Variants in LRRFIP1 observed in about 807,000 individuals in gnomAD.
LRRFIP1 encodes the protein LRR binding FLII interacting protein 1.
A neutral mutation model predicts 104.4 loss-of-function variants in LRRFIP1; 62 were observed. The ratio of observed to expected loss-of-function variants is 0.59; its 90% CI spans 0.48 to 0.73. LRRFIP1 has a LOEUF of 0.73. Ranked by LOEUF, LRRFIP1 falls within the 30% of genes least tolerant of loss-of-function variation. The probability of loss-of-function intolerance (pLI) is 0.00; values close to 1 mark genes in which losing one functional copy is unlikely to be tolerated. For missense variants in LRRFIP1, 796 were observed against 824.5 expected (o/e 0.97, Z 0.42); for synonymous variants, 300 against 299.0 (o/e 1.00, Z -0.03).
Position 237,649,791 on chromosome 2 carries a change from C to T in LRRFIP1, c.96+22051C>T, listed in dbSNP as rs72975004. On this transcript the variant is annotated intron_variant, in intron 1 of 23. Coordinates refer to ENST00000308482, the MANE Select transcript of LRRFIP1 (RefSeq NM_001137550.2). This position sits in a 1 kb window ranked among gnomAD's most constrained non-coding sequence, Gnocchi z 4.1. The stretch of plus-strand genomic sequence containing the variant: ...CCTCACCAGTCCTTGGTCATGCCAC[C>T]CGGGCTGAGTTCATTTACCTGCTCA... 0.14 allele frequency among the ~76,000 whole-genome samples: 20,719 copies of T among 151,876 alleles called. 2,170 individuals carry two copies. The highest frequency in any genetic ancestry group is 0.21 in the Non-Finnish European group (14,550 of 67,864).
In LRRFIP1 at chr2:237,714,247, C is replaced by T; in HGVS notation, c.184-12C>T. 1 of 1,581,142 alleles carries T rather than the reference C, an allele frequency of 6.3e-7. No homozygotes were observed. Among genetic ancestry groups the T allele is most frequent in the Non-Finnish European group, 8.6e-7 (1 of 1,157,596 alleles). On this transcript the variant is annotated splice_polypyrimidine_tract_variant and intron_variant, in intron 2 of 23. Coordinates refer to ENST00000308482, the MANE Select transcript of LRRFIP1 (RefSeq NM_001137550.2). Reference sequence around the variant, plus strand: ...ATTTTACATTTCTTTTTTCTTCTGTCCTTCTCTATAGATCTATCAGGTCCA... The same window carrying T: ...ATTTTACATTTCTTTTTTCTTCTGTTCTTCTCTATAGATCTATCAGGTCCA...
rs376208931 is a variant in LRRFIP1, at chr2:237,753,520, G to A, written c.1038+41G>A. The A allele has an allele frequency of 9.4e-6, 14 of 1,488,906 alleles. 1 individual carries two copies. The highest frequency in any genetic ancestry group is 6.8e-5 in the South Asian group (5 of 73,206). 92.2% of individuals were successfully genotyped at this position (1,488,906 alleles called of 1,614,324 possible). ...ATACAGAATGTTAACAATAGGCTGC[G>A]TGCAGTGGCCCATGCCTGTAATTCT... On this transcript the variant is annotated intron_variant, in intron 15 of 23. Coordinates refer to ENST00000308482, the MANE Select transcript of LRRFIP1 (RefSeq NM_001137550.2).
rs2087985745 is a variant in LRRFIP1 at position 237,661,634 on chromosome 2, AC to A, written c.96+33896del. Among the ~76,000 whole-genome samples the A allele has an allele frequency of 6.6e-6, 1 of 152,206 alleles. No individual in the cohort carries two copies. Among genetic ancestry groups the A allele is most frequent in the Non-Finnish European group, 1.5e-5 (1 of 68,050 alleles). On this transcript the variant is annotated intron_variant, in intron 1 of 23. Coordinates refer to ENST00000308482, the MANE Select transcript of LRRFIP1 (RefSeq NM_001137550.2). This position sits in a 1 kb window ranked among gnomAD's most constrained non-coding sequence, Gnocchi z 4.4. Reference sequence around the variant, plus strand: ...ACTGTCGATGGAATTTTTCAGTGATACCTAACATCTGTCCCAGAGCCATGCA... The same window carrying A: ...ACTGTCGATGGAATTTTTCAGTGATACTAACATCTGTCCCAGAGCCATGCA...
intron 11 of LRRFIP1, among the ~76,000 whole-genome samples, chr2:237,742,394 A>G (rs2057236512): frequency 6.6e-6 from 1 of 152,194 alleles, no homozygotes; most frequent in African/African-American, 2.4e-5. Flanking sequence ...CTTACATCTG[A>G]TGAAACCTCC....
chr2:237,753,063 C>T (rs1490142714), intron 14 of LRRFIP1, among the ~76,000 whole-genome samples: 1 of 152,178 alleles, frequency 6.6e-6, no homozygotes, highest in Non-Finnish European at 1.5e-5. Flanking sequence ...ACTGGTATCT[C>T]GTTTGTTCTA....
chr2:237,647,102 G>A (rs925448676), intron 1 of LRRFIP1, among the ~76,000 whole-genome samples: 4 of 151,878 alleles, frequency 2.6e-5, no homozygotes, highest in East Asian at 1.9e-4. Context: ...CTCATTTGAC[G>A]TTTTTCACTT....
intron 12 of LRRFIP1, among the ~76,000 whole-genome samples, chr2:237,748,858 T>G (rs764828316): frequency 6.6e-6 from 1 of 152,304 alleles, no homozygotes; most frequent in Non-Finnish European, 1.5e-5. Flanking sequence ...CTGGGTAATT[T>G]ACAAAGAAAA....
Position 237,739,295 on chromosome 2 carries a change from C to G in LRRFIP1, c.619C>G (p.Arg207Gly). ...CGCCTCCTCCAGGGCCAGCTCGGCC[C>G]GGGCCAGCCCTGTGGTAAGTCGGCC... ...SRASSRASSA[R>G]ASPVVEERPE... Residue 207 changes from arginine to glycine, a missense_variant, in exon 11 of 24, where the codon CGG (arginine) becomes GGG (glycine). Arg to Gly is a moderately radical substitution (Grantham distance 125). Coordinates refer to ENST00000308482, the MANE Select transcript of LRRFIP1 (RefSeq NM_001137550.2). 1 of 1,560,348 alleles carries G rather than the reference C, an allele frequency of 6.4e-7. No homozygotes were observed. Among genetic ancestry groups the G allele is most frequent in the South Asian group, 1.2e-5 (1 of 84,720 alleles).
intron 23 of LRRFIP1, among the ~76,000 whole-genome samples, chr2:237,777,169 G>A (rs1484787320): frequency 6.6e-6 from 1 of 152,074 alleles, no homozygotes; most frequent in Non-Finnish European, 1.5e-5. Flanking sequence ...ATATGTATAT[G>A]TACACATGTA....
In LRRFIP1 at chr2:237,649,538, A is replaced by G. The variant is rs1412162130; in HGVS notation, c.96+21798A>G. Among the ~76,000 whole-genome samples the G allele has an allele frequency of 1.3e-5, 2 of 152,050 alleles. No individual in the cohort carries two copies. The highest frequency in any genetic ancestry group is 4.8e-5 in the African/African-American group (2 of 41,456). On this transcript the variant is annotated intron_variant, in intron 1 of 23. Coordinates refer to ENST00000308482, the MANE Select transcript of LRRFIP1 (RefSeq NM_001137550.2). This position sits in a 1 kb window ranked among gnomAD's most constrained non-coding sequence, Gnocchi z 4.1. ...CAAGAGAGATTCTGTCTCAAAAAAA[A>G]AGAACACTGTGGTGTGAGAGGCAAT...
intron 16 of LRRFIP1, among the ~76,000 whole-genome samples, chr2:237,757,213 G>C (rs1262610358): frequency 2.0e-5 from 3 of 152,108 alleles, no homozygotes; most frequent in Non-Finnish European, 4.4e-5. Context: ...TGACTTAATC[G>C]GTTCTTTAAC....
At chr2:237,779,362 C>T (rs2061358399) in intron 23 of LRRFIP1, 60 bp from the exon 24 acceptor site, 2 of 1,582,530 alleles carry the variant, frequency 1.3e-6, no homozygotes, top group Admixed American at 3.6e-5. Context: ...TAACACAGAA[C>T]CCTGTTATGT....
At chr2:237,629,752 G>A (rs58257284) in intron 1 of LRRFIP1, among the ~76,000 whole-genome samples, 61,630 of 151,924 alleles carry the variant, frequency 0.41, 12,897 homozygotes, top group East Asian at 0.45. Flanking sequence ...GATTACAGGC[G>A]TAAGCCACTG....
At chr2:237,737,543 G>T (rs2150408379) in intron 10 of LRRFIP1, among the ~76,000 whole-genome samples, 1 of 152,340 alleles carries the variant, frequency 6.6e-6, no homozygotes, top group Non-Finnish European at 1.5e-5. Context: ...GGAAGCTGGG[G>T]TGGGCAGTAA....
At chr2:237,646,570 A>G (rs1047344414) in intron 1 of LRRFIP1, among the ~76,000 whole-genome samples, 1 of 151,968 alleles carries the variant, frequency 6.6e-6, no homozygotes, top group Non-Finnish European at 1.5e-5. Flanking sequence ...TTGAAGCCCT[A>G]ACCCCCAGTG....
intron 1 of LRRFIP1, among the ~76,000 whole-genome samples, chr2:237,638,980 A>C (rs2083497680): frequency 6.6e-6 from 1 of 152,226 alleles, no homozygotes; most frequent in Non-Finnish European, 1.5e-5. Flanking sequence ...GACCGTAGGC[A>C]AGTGAATGCA....
In LRRFIP1 at chr2:237,661,695, T is replaced by A. The variant is rs1220906147; in HGVS notation, c.96+33955T>A. ...AGCACATTCCAGGGGGACAGTTGTG[T>A]CCCTGGTGCAACACGGGAGTGGGCA... On this transcript the variant is annotated intron_variant, in intron 1 of 23. Coordinates refer to ENST00000308482, the MANE Select transcript of LRRFIP1 (RefSeq NM_001137550.2). The surrounding 1 kb of genome is among the most constrained non-coding windows in gnomAD (Gnocchi z 4.4). Among the ~76,000 whole-genome samples, 3 of 152,200 alleles carry A rather than the reference T, an allele frequency of 2.0e-5. No homozygotes were observed. The highest frequency in any genetic ancestry group is 4.8e-5 in the African/African-American group (2 of 41,448).
chr2:237,772,908 C>A lies in LRRFIP1; in HGVS notation c.1670C>A (p.Ala557Glu). The change falls in exon 22 of 24, where the codon GCA becomes GAA. Residue 557 changes from alanine to glutamate, a missense_variant. Transcript: ENST00000308482. ...ATCAGCGACCTCAAATTTAAACTTG[C>A]AAAATCTGAGCAAGAGATAACTGCA... ...RQISDLKFKL[A>E]KSEQEITALE... is the part of the protein sequence containing the mutation. 6.2e-7 allele frequency: 1 copy of A among 1,613,892 alleles called. No individual in the cohort carries two copies. Among genetic ancestry groups the A allele is most frequent in the Non-Finnish European group, 8.5e-7 (1 of 1,179,786 alleles).
intron 1 of LRRFIP1, among the ~76,000 whole-genome samples, chr2:237,671,549 G>A (rs1488118516): frequency 6.6e-6 from 1 of 152,182 alleles, no homozygotes; most frequent in Non-Finnish European, 1.5e-5. Flanking sequence ...AGGGAACTGT[G>A]GTAGGATGAG....
Sources: gnomAD v4.1 joint callset for allele counts (sites outside exome capture counted in the v4.1 genomes callset) on GRCh38, gnomAD v4.1.1 for gene constraint, Gnocchi (gnomAD v3.1) non-coding constraint, MANE v1.5 for transcripts, NCBI Gene and HGNC (gene_info 2026-07-23, HGNC 2026-07-21) for gene names.